The following DNA2 variants were observed in gnomAD, a reference collection of about 807,000 sequenced individuals.
The protein encoded by DNA2 is DNA replication ATP-dependent helicase/nuclease DNA2.
Under a neutral mutation model 119.1 loss-of-function variants are expected in DNA2, and 101 were observed. That is an observed-to-expected ratio of 0.85 (90% CI 0.72 to 1.00). The LOEUF (loss-of-function observed/expected upper bound fraction) is 1.00, where lower values mean the gene tolerates loss of function less well. Among genes scored for constraint, DNA2 ranks in the 50% least tolerant of loss-of-function variants. The probability of loss-of-function intolerance (pLI) is 0.00; values close to 1 mark genes in which losing one functional copy is unlikely to be tolerated. For missense variants in DNA2, 1,121 were observed against 1,255.5 expected (o/e 0.89, Z 1.62); for synonymous variants, 366 against 424.4 (o/e 0.86, Z 1.69).
At chr10:68,454,575 G>A (rs1003866592) in intron 5 of DNA2, among the ~76,000 whole-genome samples, 2 of 152,114 alleles carry the variant, frequency 1.3e-5, no homozygotes, top group African/African-American at 2.4e-5. Flanking sequence ...GGAGGGTGAG[G>A]TGGGTGGATC....
At chr10:68,437,649 T>TCAA (rs1564884865) in intron 9 of DNA2, among the ~76,000 whole-genome samples, 4 of 119,044 alleles carry the variant, frequency 3.4e-5, no homozygotes. Context: ...AAACCACCTC[T>TCAA]CAAAAACAAA....
intron 5 of DNA2, among the ~76,000 whole-genome samples, chr10:68,456,991 A>G (rs958113785): frequency 6.6e-5 from 10 of 151,806 alleles, no homozygotes; most frequent in South Asian, 2.1e-4. Context: ...AAAATTAGCC[A>G]GGCATGGTGG....
At chr10:68,438,191 A>ATGGTATT (rs1400484274) in intron 9 of DNA2, among the ~76,000 whole-genome samples, 1 of 152,112 alleles carries the variant, frequency 6.6e-6, no homozygotes, top group African/African-American at 2.4e-5. Context: ...CATTACAGAA[A>ATGGTATT]ACAAACCATA....
intron 12 of DNA2, 69 bp downstream of exon 12, chr10:68,432,137 T>C (rs1483189711): frequency 2.5e-6 from 3 of 1,209,206 alleles, no homozygotes; most frequent in African/African-American, 1.5e-5. Context: ...ATCAAGATAT[T>C]AGACTACAGT....
At chr10:68,434,148 G>A (rs1257225847) in intron 10 of DNA2, among the ~76,000 whole-genome samples, 4 of 152,116 alleles carry the variant, frequency 2.6e-5, no homozygotes, top group Middle Eastern at 3.4e-3. Context: ...GGTGGCACAC[G>A]CCTATAATCC....
At position 68,462,800 on chromosome 10, in the gene DNA2, A is replaced by T. The variant is rs115536142; in HGVS notation, c.587+2867T>A. Among the ~76,000 whole-genome samples, 607 of 152,314 alleles carry T rather than the reference A, an allele frequency of 4.0e-3. 8 individuals are homozygous for T. Among genetic ancestry groups the T allele is most frequent in the African/African-American group, 0.014 (586 of 41,584 alleles). Reference sequence around the variant, plus strand: ...TGTCAGTCTGAGGATTAAATAGAACAATGTATGTAAAGCACTTAGCTGATG... The same window carrying T: ...TGTCAGTCTGAGGATTAAATAGAACTATGTATGTAAAGCACTTAGCTGATG... On this transcript the variant is annotated intron_variant, in intron 4 of 20. Transcript: ENST00000358410.
Position 68,468,116 on chromosome 10 carries a change from T to G in DNA2, c.441+7A>C. The G allele has an allele frequency of 1.3e-6, 2 of 1,551,778 alleles. No homozygotes were observed. The highest frequency in any genetic ancestry group is 1.7e-6 in the Non-Finnish European group (2 of 1,149,502). On this transcript the variant is annotated splice_region_variant and intron_variant, in intron 3 of 20. Coordinates refer to ENST00000358410, the MANE Select transcript of DNA2 (RefSeq NM_001080449.3). ...CTGCAGAAACATTAACTGTTACTATTATTTACCCTAAAAGTTTCACTCAGG... is the reference window on the plus strand; with the variant it reads ...CTGCAGAAACATTAACTGTTACTATGATTTACCCTAAAAGTTTCACTCAGG...
chr10:68,467,614 G>GA (rs1163191617), intron 3 of DNA2, among the ~76,000 whole-genome samples: 1 of 152,112 alleles, frequency 6.6e-6, no homozygotes, highest in African/African-American at 2.4e-5. Context: ...GCAGTAGCAT[G>GA]ATCTCGGCTC....
intron 1 of DNA2, among the ~76,000 whole-genome samples, chr10:68,471,360 A>G (rs1357323666): frequency 6.6e-6 from 1 of 152,222 alleles, no homozygotes; most frequent in African/African-American, 2.4e-5. Context: ...TTGCTATAAT[A>G]TTGAAAGTAA....
chr10:68,433,145 C>T (rs2051843692), intron 10 of DNA2, among the ~76,000 whole-genome samples: 1 of 152,174 alleles, frequency 6.6e-6, no homozygotes, highest in African/African-American at 2.4e-5. Context: ...AACTCCTCCT[C>T]ATCCCTGCTG....
intron 7 of DNA2, 50 bp from the exon 8 acceptor site, chr10:68,445,133 A>T (rs765526575): frequency 6.6e-7 from 1 of 1,509,850 alleles, no homozygotes; most frequent in East Asian, 2.3e-5. Context: ...AAAGTTTATC[A>T]TGTCTTTTTC....
intron 18 of DNA2, 91 bp from the exon 19 acceptor site, chr10:68,419,304 C>A: frequency 1.0e-6 from 1 of 997,732 alleles, no homozygotes; most frequent in South Asian, 2.2e-5. Context: ...CATTATGTGC[C>A]CAACTGATGT....
In DNA2 at chr10:68,419,906, T is replaced by C. The variant is rs1347038475; in HGVS notation, c.2698-14A>G. 6.2e-7 allele frequency: 1 copy of C among 1,608,364 alleles called. No homozygotes were observed. Among genetic ancestry groups the C allele is most frequent in the South Asian group, 1.1e-5 (1 of 90,950 alleles). Reference sequence around the variant, plus strand: ...TGGCGCTGGAACCTAAGTGGAAAAATATACAGCCTGCTGATAATACAATCT... The same window carrying C: ...TGGCGCTGGAACCTAAGTGGAAAAACATACAGCCTGCTGATAATACAATCT... On this transcript the variant is annotated splice_polypyrimidine_tract_variant and intron_variant, in intron 17 of 20. Coordinates refer to ENST00000358410, the MANE Select transcript of DNA2 (RefSeq NM_001080449.3).
chr10:68,432,163 A>G, intron 12 of DNA2, 43 bp downstream of exon 12: 1 of 1,381,518 alleles, frequency 7.2e-7, no homozygotes, highest in Non-Finnish European at 1.0e-6. Flanking sequence ...TCAAATAGAA[A>G]CAAGAAAAAT....
At chr10:68,465,294 G>A (rs527749295) in intron 4 of DNA2, among the ~76,000 whole-genome samples, 1 of 152,108 alleles carries the variant, frequency 6.6e-6, no homozygotes, top group Non-Finnish European at 1.5e-5. Flanking sequence ...TGGGATTACA[G>A]GCGTGAGCCA....
rs747686286 is a variant in DNA2 at position 68,422,237 on chromosome 10, A to G, written c.2685T>C (p.Leu895=). 1.3e-6 allele frequency: 2 copies of G among 1,594,630 alleles called. No homozygotes were observed. Among genetic ancestry groups the G allele is most frequent in the South Asian group, 2.3e-5 (2 of 87,452 alleles). ...VFEPNNPVCF[L]NTDKVPAPEQ... is the part of the protein sequence containing the mutation. ...TTTTTTTTTTTACCTTGTCTGTATTAAGGAAACAAACAGGATTGTTGGGTT... is the reference window on the plus strand; with the variant it reads ...TTTTTTTTTTTACCTTGTCTGTATTGAGGAAACAAACAGGATTGTTGGGTT... The change falls in exon 17 of 21, where the codon CTT becomes CTC. Residue 895 remains leucine, a synonymous_variant. Transcript: ENST00000358410.
At chr10:68,420,703 T>C (rs2051653217) in intron 17 of DNA2, among the ~76,000 whole-genome samples, 1 of 151,790 alleles carries the variant, frequency 6.6e-6, no homozygotes, top group Non-Finnish European at 1.5e-5. Flanking sequence ...ATCTTGATTT[T>C]TTTTTTTTTT....
intron 14 of DNA2, chr10:68,424,665 A>G: frequency 6.2e-7 from 1 of 1,607,144 alleles, no homozygotes; most frequent in Non-Finnish European, 8.5e-7. Flanking sequence ...CCCGCTCTCC[A>G]AGGAGCTGCG....
chr10:68,418,011 G>A (rs937933087), intron 19 of DNA2, among the ~76,000 whole-genome samples: 1 of 152,164 alleles, frequency 6.6e-6, no homozygotes, highest in African/African-American at 2.4e-5. Flanking sequence ...GAAGAAAATG[G>A]GTGGTTAATC....
Sources: allele counts gnomAD v4.1 joint callset (sites outside exome capture counted in the v4.1 genomes callset), GRCh38; gene constraint gnomAD v4.1.1; transcripts MANE v1.5; gene names NCBI Gene and HGNC (gene_info 2026-07-23, HGNC 2026-07-21).